Variants in GADL1 observed in about 807,000 individuals in gnomAD.
GADL1 encodes GAD like acidic amino acid decarboxylase 1.
In GADL1, 71 loss-of-function variants were observed where a neutral mutation model predicts 69.5. That is an observed-to-expected ratio of 1.02 (90% CI 0.84 to 1.25). The LOEUF is 1.25. Among genes scored for constraint, GADL1 ranks in the 50% most tolerant of loss-of-function variants. The pLI is 0.00. For missense variants in GADL1, 737 were observed against 631.8 expected (o/e 1.17, Z -1.79); for synonymous variants, 254 against 214.4 (o/e 1.18, Z -1.62).
At chr3:30,883,967 A>T (rs890341211) in intron 1 of GADL1, among the ~76,000 whole-genome samples, 1 of 152,078 alleles carries the variant, frequency 6.6e-6, no homozygotes, top group Non-Finnish European at 1.5e-5. Context: ...AGAGCTGTGG[A>T]AAGACAACTG....
At chr3:30,734,544 A>G (rs941230804) in intron 14 of GADL1, among the ~76,000 whole-genome samples, 1 of 152,202 alleles carries the variant, frequency 6.6e-6, no homozygotes, top group African/African-American at 2.4e-5. Flanking sequence ...ACAGCTGTTG[A>G]CAGAAAGCAT....
At chr3:30,860,111 G>T (rs1022705040) in intron 2 of GADL1, among the ~76,000 whole-genome samples, 1 of 151,524 alleles carries the variant, frequency 6.6e-6, no homozygotes, top group Non-Finnish European at 1.5e-5. Context: ...CTCTTCCCCT[G>T]CCACTGCCCC....
chr3:30,845,421 T>A (rs1358354028), intron 6 of GADL1, among the ~76,000 whole-genome samples: 1 of 151,960 alleles, frequency 6.6e-6, no homozygotes, highest in Non-Finnish European at 1.5e-5. Context: ...CAAAAAAAAA[T>A]CTTAGTAATT....
At chr3:30,827,287 G>A (rs911808018) in intron 11 of GADL1, among the ~76,000 whole-genome samples, 2 of 151,836 alleles carry the variant, frequency 1.3e-5, no homozygotes, top group African/African-American at 4.8e-5. Flanking sequence ...CTACACAGAT[G>A]ATTCTAAGAC....
chr3:30,842,462 G>A (rs1024600810), intron 8 of GADL1, among the ~76,000 whole-genome samples: 9 of 151,620 alleles, frequency 5.9e-5, no homozygotes, highest in African/African-American at 1.7e-4. Flanking sequence ...TTAGTCTCTT[G>A]GTTTTTGTGT....
At position 30,892,167 on chromosome 3, in the gene GADL1, C is replaced by T. The variant is rs778195906; in HGVS notation, c.37+2411G>A. 1.7e-3 allele frequency among the ~76,000 whole-genome samples: 259 copies of T among 152,266 alleles called. 2 individuals are homozygous for T. The highest frequency in any genetic ancestry group is 6.3e-4 in the Non-Finnish European group (43 of 68,020). On this transcript the variant is annotated intron_variant, in intron 1 of 14. Coordinates refer to ENST00000282538, the MANE Select transcript of GADL1 (RefSeq NM_207359.3). ...TAACTAATTGCTTAAACCTCTCTTG[C>T]ATGTACTACAGCAAGATCATAAAAG...
At chr3:30,774,039 CAA>C (rs1425109160) in intron 14 of GADL1, among the ~76,000 whole-genome samples, 1 of 152,016 alleles carries the variant, frequency 6.6e-6, no homozygotes. Context: ...CTTTGGATGC[CAA>C]AGAGACAAGA....
intron 8 of GADL1, among the ~76,000 whole-genome samples, 167 bp downstream of exon 8, chr3:30,844,043 A>C (rs1354197803): frequency 2.6e-5 from 4 of 152,222 alleles, no homozygotes; most frequent in Non-Finnish European, 4.4e-5. Context: ...AACATCTGTA[A>C]ATGAGTTTTC....
At chr3:30,795,955 T>G (rs1697024199) in intron 12 of GADL1, among the ~76,000 whole-genome samples, 1 of 152,226 alleles carries the variant, frequency 6.6e-6, no homozygotes, top group Admixed American at 6.5e-5. Flanking sequence ...CACTAAAATG[T>G]TAATTCAATT....
chr3:30,744,163 C>A (rs1695667014), intron 14 of GADL1, among the ~76,000 whole-genome samples: 1 of 152,142 alleles, frequency 6.6e-6, no homozygotes, highest in South Asian at 2.1e-4. Flanking sequence ...TTGGTTAGAT[C>A]TAGGTGAGTT....
At chr3:30,863,423 A>G (rs2125537765) in intron 1 of GADL1, among the ~76,000 whole-genome samples, 1 of 152,108 alleles carries the variant, frequency 6.6e-6, no homozygotes, top group East Asian at 1.9e-4. Context: ...CTAAATGTTA[A>G]AAGTCAACAT....
In GADL1 at chr3:30,821,428, A is replaced by C. The variant is rs1385159627; in HGVS notation, c.1050+12425T>G. 2.6e-5 allele frequency among the ~76,000 whole-genome samples: 4 copies of C among 152,046 alleles called. No homozygotes were observed. The East Asian group carries it at 7.7e-4, about 29-fold the overall frequency. ...TTTTCTCTTTTTTTATACACACGGCAGAGGAGGAAGCAGTAGATATGAAAC... is the reference window on the plus strand; with the variant it reads ...TTTTCTCTTTTTTTATACACACGGCCGAGGAGGAAGCAGTAGATATGAAAC... On this transcript the variant is annotated intron_variant, in intron 11 of 14. Coordinates refer to ENST00000282538, the MANE Select transcript of GADL1 (RefSeq NM_207359.3).
At chr3:30,831,387 T>A (rs1697789987) in intron 11 of GADL1, among the ~76,000 whole-genome samples, 1 of 151,956 alleles carries the variant, frequency 6.6e-6, no homozygotes, top group Non-Finnish European at 1.5e-5. Context: ...CATCACCTGC[T>A]GTGTATTACT....
At chr3:30,763,174 A>G (rs1471275371) in intron 14 of GADL1, among the ~76,000 whole-genome samples, 1 of 152,150 alleles carries the variant, frequency 6.6e-6, no homozygotes, top group Non-Finnish European at 1.5e-5. Context: ...TCAGCTTACA[A>G]TGGGGTTACA....
intron 13 of GADL1, among the ~76,000 whole-genome samples, chr3:30,784,454 T>C (rs1384184883): frequency 1.1e-5 from 1 of 92,472 alleles, no homozygotes; most frequent in East Asian, 2.5e-4. Context: ...ACCAGAAAGT[T>C]GTTTAATTTT....
At chr3:30,837,331 C>G (rs1177984137) in intron 9 of GADL1, among the ~76,000 whole-genome samples, 1 of 152,084 alleles carries the variant, frequency 6.6e-6, no homozygotes, top group Non-Finnish European at 1.5e-5. Context: ...TTGACACCCA[C>G]AATACTAAAG....
chr3:30,820,046 A>G (rs1296586700), intron 11 of GADL1, among the ~76,000 whole-genome samples: 1 of 151,928 alleles, frequency 6.6e-6, no homozygotes, highest in Non-Finnish European at 1.5e-5. Context: ...CACTCAAAAT[A>G]CTATCCAACC....
At chr3:30,892,034 T>C (rs1698794682) in intron 1 of GADL1, among the ~76,000 whole-genome samples, 1 of 152,154 alleles carries the variant, frequency 6.6e-6, no homozygotes. Context: ...ATCAAAGCTA[T>C]TCAGGAAGAA....
chr3:30,771,526 A>C (rs904950605), intron 14 of GADL1, among the ~76,000 whole-genome samples: 1 of 152,232 alleles, frequency 6.6e-6, no homozygotes, highest in Non-Finnish European at 1.5e-5. Context: ...TATTTTCTTT[A>C]AAAGGCACTT....
Sources: gnomAD v4.1 joint callset for allele counts (sites outside exome capture counted in the v4.1 genomes callset) on GRCh38, gnomAD v4.1.1 for gene constraint, MANE v1.5 for transcripts, NCBI Gene and HGNC (gene_info 2026-07-23, HGNC 2026-07-21) for gene names.